The following PCGF2 variants were observed in gnomAD, a reference collection of about 807,000 sequenced individuals.
The protein encoded by PCGF2 is polycomb group ring finger 2, also known as polycomb group RING finger protein 2.
Under a neutral mutation model 36.1 loss-of-function variants are expected in PCGF2, and 8 were observed. The ratio of observed to expected loss-of-function variants is 0.22; its 90% CI spans 0.13 to 0.40. PCGF2 has a LOEUF of 0.40. PCGF2 is among the 10% of genes least tolerant of loss of function. The probability of loss-of-function intolerance (pLI) is 1.00; values close to 1 mark genes in which losing one functional copy is unlikely to be tolerated. For synonymous variants in PCGF2, 198 were observed against 191.2 expected (o/e 1.04, Z -0.29); for missense variants, 436 against 475.9 (o/e 0.92, Z 0.78).
chr17:38,740,919 TGA>T (rs1907164583), intron 2 of PCGF2, among the ~76,000 whole-genome samples: 1 of 152,132 alleles, frequency 6.6e-6, no homozygotes, highest in African/African-American at 2.4e-5. Flanking sequence ...TGGCCACCTC[TGA>T]GAGTTCATTG....
chr17:38,739,086 C>T lies in PCGF2; in HGVS notation c.298G>A (p.Ala100Thr). 6.2e-7 allele frequency: 1 copy of T among 1,613,424 alleles called. No individual in the cohort carries two copies. Among genetic ancestry groups the T allele is most frequent in the Non-Finnish European group, 8.5e-7 (1 of 1,179,990 alleles). The change falls in exon 6 of 11, where the codon GCG (alanine) becomes ACG (threonine). Residue 100 changes from alanine (A) to threonine (T), a missense_variant. Ala to Thr is a moderately conservative substitution (Grantham distance 58, BLOSUM62 0). Transcript: ENST00000620225. The surrounding 1 kb of genome is among the most constrained non-coding windows in gnomAD (Gnocchi z 4.0). The stretch of plus-strand genomic sequence containing the variant: ...CACTCACCCTCCGTCAGGGGGTACG[C>T]TGCATAGAAATCCCGCCGCCGTTTC... ...EMKRRRDFYA[A>T]YPLTEVPNGS...
intron 6 of PCGF2, 51 bp from the exon 7 acceptor site, chr17:38,738,912 C>T: frequency 3.2e-6 from 5 of 1,556,434 alleles, no homozygotes; most frequent in African/African-American, 1.4e-5. Context: ...GAAGGGAGCC[C>T]GCCAAGGACC....
Position 38,739,826 on chromosome 17 carries a change from C to A in PCGF2, c.113-144G>T, listed in dbSNP as rs1907056602. 1.3e-5 allele frequency: 9 copies of A among 685,958 alleles called. No homozygotes were observed. The South Asian group carries it at 1.5e-4, about 11-fold the overall frequency. 42.5% of individuals were successfully genotyped at this position (685,958 alleles called of 1,614,324 possible). On this transcript the variant is annotated intron_variant, in intron 3 of 10. Transcript: ENST00000620225. This position sits in a 1 kb window ranked among gnomAD's most constrained non-coding sequence, Gnocchi z 4.0. ...GCCCAATGTGGCGATGTGTGTTCTG[C>A]ACGTGTGGTACCTGTCCTTGTGCAC...
chr17:38,738,973 TGC>T, intron 6 of PCGF2, 93 bp downstream of exon 6: 1 of 1,539,434 alleles, frequency 6.5e-7, no homozygotes, highest in East Asian at 2.2e-5. Context: ...TGGAGAGGTG[TGC>T]GCGGAGGAGG....
In PCGF2 at chr17:38,739,715, A is replaced by G; in HGVS notation, c.113-33T>C. On this transcript the variant is annotated intron_variant, in intron 3 of 10. Transcript: ENST00000620225. The surrounding 1 kb of genome is among the most constrained non-coding windows in gnomAD (Gnocchi z 4.0). ...GTGTGGAGAGAGAGAGGAGAGTCAGAGCCAACTTCCAACTCCAGGACCAGC... is the reference window on the plus strand; with the variant it reads ...GTGTGGAGAGAGAGAGGAGAGTCAGGGCCAACTTCCAACTCCAGGACCAGC... The G allele has an allele frequency of 6.5e-7, 1 of 1,535,970 alleles. No homozygotes were observed. Among genetic ancestry groups the G allele is most frequent in the Non-Finnish European group, 9.0e-7 (1 of 1,109,084 alleles).
intron 6 of PCGF2, 79 bp downstream of exon 6, chr17:38,738,989 G>A: frequency 6.4e-7 from 1 of 1,566,252 alleles, no homozygotes; most frequent in Non-Finnish European, 8.8e-7. Flanking sequence ...GAGGAGGTCA[G>A]AGGGTGAGGG....
At chr17:38,743,872 G>C (rs1454880487) in intron 2 of PCGF2, among the ~76,000 whole-genome samples, 1 of 152,182 alleles carries the variant, frequency 6.6e-6, no homozygotes, top group Non-Finnish European at 1.5e-5. Context: ...GAGGGAAAAA[G>C]GGGTGATGGG....
At chr17:38,743,661 G>C (rs182679096) in intron 2 of PCGF2, among the ~76,000 whole-genome samples, 2 of 152,158 alleles carry the variant, frequency 1.3e-5, no homozygotes, top group African/African-American at 4.8e-5. Flanking sequence ...TGGGGGTGGG[G>C]AGAAGCACTG....
At chr17:38,740,199 A>G (rs940988857) in intron 3 of PCGF2, 92 bp downstream of exon 3, 73 of 1,163,128 alleles carry the variant, frequency 6.3e-5, no homozygotes, top group Admixed American at 1.0e-4. Context: ...CTTTAGGGCA[A>G]GGGTTTGCGT....
chr17:38,740,323 T>C lies in PCGF2; in HGVS notation c.80A>G (p.Asp27Gly). 6.2e-7 allele frequency: 1 copy of C among 1,608,958 alleles called. No homozygotes were observed. Among genetic ancestry groups the C allele is most frequent in the Non-Finnish European group, 8.5e-7 (1 of 1,177,180 alleles). Residue 27 changes from aspartate (D) to glycine (G), a missense_variant, in exon 3 of 11, where the codon GAC becomes GGC. Coordinates refer to ENST00000620225, the MANE Select transcript of PCGF2 (RefSeq NM_007144.3). Reference sequence around the variant, plus strand: ...CAGGCACTCCACGATAGTGGTGGCGTCGATGAAGTACCCCCCGCAGAGGGC... The same window carrying C: ...CAGGCACTCCACGATAGTGGTGGCGCCGATGAAGTACCCCCCGCAGAGGGC... ...MCALCGGYFI[D>G]ATTIVECLHS... is the part of the protein sequence containing the mutation.
In PCGF2 at chr17:38,735,040, AG is replaced by A. The variant is rs1472439274; in HGVS notation, c.*182del. On this transcript the variant is annotated 3_prime_UTR_variant, in exon 11 of 11. Coordinates refer to ENST00000620225, the MANE Select transcript of PCGF2 (RefSeq NM_007144.3). ...ATTTAAATTAATCTGGTTGGTCCAT[AG>A]AAAATAAGTATGTATATTTGGTTTT... 2.4e-6 allele frequency: 1 copy of A among 415,718 alleles called. No individual in the cohort carries two copies. The highest frequency in any genetic ancestry group is 4.3e-6 in the Non-Finnish European group (1 of 235,068). 25.8% of individuals were successfully genotyped at this position (415,718 alleles called of 1,614,324 possible). A position where few individuals can be genotyped will look rare whatever the true frequency, so the allele number is the denominator to read the frequency against.
At chr17:38,743,535 G>C (rs1442219071) in intron 2 of PCGF2, among the ~76,000 whole-genome samples, 1 of 152,144 alleles carries the variant, frequency 6.6e-6, no homozygotes, top group Non-Finnish European at 1.5e-5. Flanking sequence ...GAGGCCCAAG[G>C]TGGTGCTGAC....
chr17:38,749,404 A>G (rs1435038765), upstream of PCGF2: 8 of 296,316 alleles, frequency 2.7e-5, no homozygotes, highest in Admixed American at 3.0e-4. The surrounding 1 kb of genome is among the most constrained non-coding windows in gnomAD (Gnocchi z 6.5). Context: ...GGCAGGAGGG[A>G]GAGAACGAGG....
At chr17:38,742,996 G>A (rs893245719) in intron 2 of PCGF2, among the ~76,000 whole-genome samples, 8 of 152,024 alleles carry the variant, frequency 5.3e-5, no homozygotes, top group Non-Finnish European at 1.0e-4. Flanking sequence ...ACACATGCAC[G>A]CGTACACACA....
rs1906561984 is a variant in PCGF2, at chr17:38,734,953, CCA to C, written c.*268_*269del. 2 of 300,544 alleles carry C rather than the reference CCA, an allele frequency of 6.7e-6. No individual in the cohort carries two copies. Among genetic ancestry groups the C allele is most frequent in the African/African-American group, 2.1e-5 (1 of 46,576 alleles). The allele number at this position is 300,544 out of a possible 1,614,324, so 18.6% of individuals were successfully genotyped here. On this transcript the variant is annotated 3_prime_UTR_variant, in exon 11 of 11. Coordinates refer to ENST00000620225, the MANE Select transcript of PCGF2 (RefSeq NM_007144.3). Reference sequence around the variant, plus strand: ...AACAGCAAATTACACAAGACCCCCCCCAAAAAAAATGAACACCATTTTCCACA... The same window carrying C: ...AACAGCAAATTACACAAGACCCCCCCAAAAAAATGAACACCATTTTCCACA...
At chr17:38,736,225 T>C (rs1213479288) in intron 9 of PCGF2, 55 bp from the exon 10 acceptor site, 4 of 1,110,248 alleles carry the variant, frequency 3.6e-6, no homozygotes, top group Non-Finnish European at 5.4e-6. Flanking sequence ...GGCTCCAGGC[T>C]GGGAATGTGG....
chr17:38,735,073 G>T lies in PCGF2; in HGVS notation c.*150C>A. The T allele has an allele frequency of 2.1e-6, 1 of 483,698 alleles. No homozygotes were observed. The highest frequency in any genetic ancestry group is 3.5e-6 in the Non-Finnish European group (1 of 287,680). 30.0% of individuals were successfully genotyped at this position (483,698 alleles called of 1,614,324 possible). On this transcript the variant is annotated 3_prime_UTR_variant, in exon 11 of 11. Coordinates refer to ENST00000620225, the MANE Select transcript of PCGF2 (RefSeq NM_007144.3). ...AGTATGTATATTTGGTTTTTCCTAT[G>T]TACATATATATATATATTTATTTAT...
In PCGF2 at chr17:38,736,665, TCTA is replaced by T. The variant is rs574025738; in HGVS notation, c.577-498_577-496del. Among the ~76,000 whole-genome samples, 290 of 152,058 alleles carry T rather than the reference TCTA, an allele frequency of 1.9e-3. 2 individuals carry two copies. The highest frequency in any genetic ancestry group is 6.7e-3 in the African/African-American group (277 of 41,458). On this transcript the variant is annotated intron_variant, in intron 9 of 10. Coordinates refer to ENST00000620225, the MANE Select transcript of PCGF2 (RefSeq NM_007144.3). ...CTGGCTAACGTGGTGAAACCCCGTC[TCTA>T]CTAAAAATACAAAAAATTAGCTGGG...
intron 2 of PCGF2, among the ~76,000 whole-genome samples, chr17:38,743,278 C>T (rs1907322586): frequency 2.1e-5 from 3 of 143,844 alleles, no homozygotes; most frequent in African/African-American, 5.2e-5. Flanking sequence ...TTTTTTTAAA[C>T]AGAGATGGGG....
Sources: gnomAD v4.1 joint callset for allele counts (sites outside exome capture counted in the v4.1 genomes callset) on GRCh38, gnomAD v4.1.1 for gene constraint, Gnocchi (gnomAD v3.1) non-coding constraint, MANE v1.5 for transcripts, NCBI Gene and HGNC (gene_info 2026-07-23, HGNC 2026-07-21) for gene names.